The following FBLN1 variants were observed in gnomAD, a reference collection of about 807,000 sequenced individuals.
FBLN1 encodes fibulin 1.
Under a neutral mutation model 89.7 loss-of-function variants are expected in FBLN1, and 34 were observed. The observed-to-expected ratio is 0.38, with a 90% CI of 0.29 to 0.50. The LOEUF (loss-of-function observed/expected upper bound fraction) is 0.50. Ranked by LOEUF, FBLN1 falls within the 20% of genes least tolerant of loss-of-function variation. The pLI, the probability that FBLN1 is intolerant of heterozygous loss-of-function variation, is 0.92. For synonymous variants in FBLN1, 393 were observed against 391.3 expected (o/e 1.00, Z -0.05); for missense variants, 777 against 988.1 (o/e 0.79, Z 2.86).
chr22:45,514,484 C>G (rs12167736), intron 1 of FBLN1, among the ~76,000 whole-genome samples: 17,305 of 152,262 alleles, frequency 0.11, 1,393 homozygotes, highest in African/African-American at 0.23. Flanking sequence ...GCCACTCCCC[C>G]ACCCCTAGCT....
intron 2 of FBLN1, among the ~76,000 whole-genome samples, chr22:45,521,084 G>A (rs142348198): frequency 5.3e-5 from 8 of 152,310 alleles, no homozygotes; most frequent in African/African-American, 1.4e-4. Flanking sequence ...CTAAAGTGCT[G>A]GGATTATGGG....
rs889120634 is a variant in FBLN1, at chr22:45,574,930, C to T, written c.1840+277C>T. ...CCGAGTAGCTGGGACTACAGGCGCC[C>T]GCCACCACGCCTGGCTAATCTTTTT... On this transcript the variant is annotated intron_variant, in intron 15 of 16. Coordinates refer to ENST00000327858, the MANE Select transcript of FBLN1 (RefSeq NM_006486.3). This position sits in a 1 kb window ranked among gnomAD's most constrained non-coding sequence, Gnocchi z 4.1. 9.2e-5 allele frequency among the ~76,000 whole-genome samples: 14 copies of T among 151,956 alleles called. No homozygotes were observed. The highest frequency in any genetic ancestry group is 1.5e-4 in the African/African-American group (6 of 41,358).
chr22:45,544,305 T>C (rs1451808027), intron 11 of FBLN1, among the ~76,000 whole-genome samples: 9 of 152,216 alleles, frequency 5.9e-5, no homozygotes, highest in Non-Finnish European at 8.8e-5. Context: ...CAGGCTGGTC[T>C]TGAACTCCTG....
At position 45,531,229 on chromosome 22, in the gene FBLN1, T is replaced by A; in HGVS notation, c.485-36T>A. 1 of 1,593,930 alleles carries A rather than the reference T, an allele frequency of 6.3e-7. No homozygotes were observed. The highest frequency in any genetic ancestry group is 8.6e-7 in the Non-Finnish European group (1 of 1,161,584). ...TTTCTTTTAAGATAAGATGGGTGTT[T>A]GGATAAATGTCTGACTTGGTCTTTT... On this transcript the variant is annotated intron_variant, in intron 4 of 16. Transcript: ENST00000327858. This position sits in a 1 kb window ranked among gnomAD's most constrained non-coding sequence, Gnocchi z 4.9.
intron 8 of FBLN1, among the ~76,000 whole-genome samples, chr22:45,538,306 CTA>C (rs2088509300): frequency 6.6e-6 from 1 of 152,240 alleles, no homozygotes; most frequent in South Asian, 2.1e-4. Flanking sequence ...TAAAAGATCT[CTA>C]TTTATTTCAA....
Position 45,585,333 on chromosome 22 carries a change from G to T in FBLN1, c.1972+8225G>T, listed in dbSNP as rs149046472. On this transcript the variant is annotated intron_variant, in intron 16 of 16. Transcript: ENST00000327858. The stretch of plus-strand genomic sequence containing the variant: ...AAGGCCTCAGTCAAGGCTTGAGACC[G>T]TCCATTGTCCCAGCCAGCAGGGCCC... 7.9e-5 allele frequency among the ~76,000 whole-genome samples: 12 copies of T among 152,184 alleles called. 1 individual carries two copies. The highest frequency in any genetic ancestry group is 5.9e-4 in the Admixed American group (9 of 15,280).
Position 45,589,110 on chromosome 22 carries a change from A to AAT in FBLN1, c.1973-11194_1973-11193dup, listed in dbSNP as rs898981253. Among the ~76,000 whole-genome samples, 39 of 147,544 alleles carry AAT rather than the reference A, an allele frequency of 2.6e-4. 1 individual carries two copies. The highest frequency in any genetic ancestry group is 1.1e-3 in the South Asian group (5 of 4,752). ...TTTATATATATAAAAAATATATAAA[A>AAT]ATATTTTTATATATATAAAAAATAT... is the stretch of plus-strand genomic sequence containing the variant. On this transcript the variant is annotated intron_variant, in intron 16 of 16. Transcript: ENST00000327858.
intron 2 of FBLN1, among the ~76,000 whole-genome samples, chr22:45,523,428 C>T (rs375315729): frequency 6.6e-5 from 10 of 152,136 alleles, no homozygotes; most frequent in South Asian, 2.1e-4. Context: ...TGAGGCCGGG[C>T]GCAGTGGCTC....
chr22:45,518,188 G>A (rs1027018262), intron 1 of FBLN1, among the ~76,000 whole-genome samples: 2 of 150,912 alleles, frequency 1.3e-5, no homozygotes, highest in Admixed American at 6.6e-5. Flanking sequence ...GACTCAGCTC[G>A]TTGCATTTTG....
intron 7 of FBLN1, 141 bp from the exon 8 acceptor site, chr22:45,535,059 G>T: frequency 9.9e-6 from 10 of 1,011,584 alleles, no homozygotes; most frequent in Admixed American, 6.5e-5. Context: ...TCTTTTTTGT[G>T]TATGATTTCT....
chr22:45,548,892 C>CTTGG, intron 13 of FBLN1, 148 bp downstream of exon 13: 9 of 1,281,716 alleles, frequency 7.0e-6, no homozygotes, highest in Non-Finnish European at 8.7e-6. Flanking sequence ...AGGCCCACCC[C>CTTGG]ATCCAAGGGG....
chr22:45,562,784 G>T lies in FBLN1; in HGVS notation c.1698-11727G>T. The T allele has an allele frequency of 2.2e-6, 2 of 908,374 alleles. No homozygotes were observed. Among genetic ancestry groups the T allele is most frequent in the East Asian group, 2.4e-5 (1 of 41,842 alleles). 56.3% of individuals were successfully genotyped at this position (908,374 alleles called of 1,614,324 possible). ...GTGAGTGAGGTGTGCCCTTCGTGTT[G>T]GCTGAATCGGCCAGAGGGGCGGCGG... On this transcript the variant is annotated intron_variant, in intron 14 of 16. Coordinates refer to ENST00000327858, the MANE Select transcript of FBLN1 (RefSeq NM_006486.3). The surrounding 1 kb of genome is among the most constrained non-coding windows in gnomAD (Gnocchi z 7.8).
At chr22:45,522,394 A>C (rs2088263395) in intron 2 of FBLN1, among the ~76,000 whole-genome samples, 1 of 152,242 alleles carries the variant, frequency 6.6e-6, no homozygotes, top group Non-Finnish European at 1.5e-5. Context: ...AGGAAGAGGC[A>C]GGATGAAAGC....
chr22:45,596,597 TATG>T (rs1206544820), intron 16 of FBLN1, among the ~76,000 whole-genome samples: 1 of 149,182 alleles, frequency 6.7e-6, no homozygotes, highest in Non-Finnish European at 1.5e-5. Context: ...AACATAAGAA[TATG>T]ATTACTATAT....
chr22:45,529,961 G>A (rs2088382197), intron 4 of FBLN1, among the ~76,000 whole-genome samples: 2 of 152,220 alleles, frequency 1.3e-5, no homozygotes, highest in Non-Finnish European at 2.9e-5. Context: ...TCAAGGTAAT[G>A]GCTGTAGGGT....
rs1025963893 is a variant in FBLN1, at chr22:45,579,756, C to T, written c.1972+2648C>T. On this transcript the variant is annotated intron_variant, in intron 16 of 16. Coordinates refer to ENST00000327858, the MANE Select transcript of FBLN1 (RefSeq NM_006486.3). The surrounding 1 kb of genome is among the most constrained non-coding windows in gnomAD (Gnocchi z 5.5). ...CTGGCTCCTGTCTCTGTCCCCACTG[C>T]GCTGATCTTATTTCTCTGTCTGAGA... Among the ~76,000 whole-genome samples the T allele has an allele frequency of 1.3e-5, 2 of 152,140 alleles. No homozygotes were observed. The highest frequency in any genetic ancestry group is 6.5e-5 in the Admixed American group (1 of 15,280).
chr22:45,526,702 G>A (rs570276711), intron 3 of FBLN1, among the ~76,000 whole-genome samples: 23 of 152,348 alleles, frequency 1.5e-4, no homozygotes, highest in Admixed American at 3.3e-4. Context: ...GGGGTCCCGA[G>A]TCCCCTGCCC....
chr22:45,516,729 C>T (rs1217804760), intron 1 of FBLN1, among the ~76,000 whole-genome samples: 2 of 152,234 alleles, frequency 1.3e-5, no homozygotes, highest in African/African-American at 4.8e-5. Flanking sequence ...TTACCCACGC[C>T]ACTGCAGGAC....
At position 45,574,556 on chromosome 22, in the gene FBLN1, C is replaced by T; in HGVS notation, c.1743C>T (p.Cys581=). Residue 581 remains cysteine, a synonymous_variant, in exon 15 of 17, where the codon TGC becomes TGT. Transcript: ENST00000327858. This position sits in a 1 kb window ranked among gnomAD's most constrained non-coding sequence, Gnocchi z 4.1. ...ACACGGTCCGCTGCATCAAGTCCTG[C>T]CGCCCCAACGATGTCACATGCGTGT... The part of the protein sequence containing the change: ...KTDTVRCIKS[C]RPNDVTCVFD... The T allele has an allele frequency of 6.2e-7, 1 of 1,614,166 alleles. No homozygotes were observed. The highest frequency in any genetic ancestry group is 1.1e-5 in the South Asian group (1 of 91,084).
Sources: allele counts gnomAD v4.1 joint callset (sites outside exome capture counted in the v4.1 genomes callset), GRCh38; gene constraint gnomAD v4.1.1; non-coding constraint Gnocchi (gnomAD v3.1); transcripts MANE v1.5; gene names NCBI Gene and HGNC (gene_info 2026-07-23, HGNC 2026-07-21).